DCPH1: variants seen among roughly 807,000 people sequenced by gnomAD.
The protein encoded by DCPH1 is damage-control phosphatase 1.
the DCPH1 span, among the ~76,000 whole-genome samples, chr6:151,457,944 T>TA: frequency 6.6e-6 from 1 of 152,038 alleles, no homozygotes; most frequent in Non-Finnish European, 1.5e-5. Flanking sequence ...GAAAACAAGT[T>TA]AAAAAAAATT....
At chr6:151,455,661 T>G in the DCPH1 span, among the ~76,000 whole-genome samples, 3 of 152,240 alleles carry the variant, frequency 2.0e-5, no homozygotes, top group South Asian at 6.2e-4. Context: ...AGACATTCCA[T>G]TGCCCAGGGA....
the DCPH1 span, among the ~76,000 whole-genome samples, chr6:151,456,452 C>G: frequency 6.6e-6 from 1 of 152,106 alleles, no homozygotes. Flanking sequence ...ACAGGGATTA[C>G]CTGTTGTTCC....
chr6:151,468,595 T>A, the DCPH1 span: 1 of 1,614,202 alleles, frequency 6.2e-7, no homozygotes, highest in South Asian at 1.1e-5. Context: ...CTTCTTGTTG[T>A]CCTCTGAACT....
At chr6:151,452,563 GTCTC>G in the DCPH1 span, 4 of 1,611,558 alleles carry the variant, frequency 2.5e-6, no homozygotes, top group Non-Finnish European at 3.4e-6. Flanking sequence ...TCGTCCCGGC[GTCTC>G]TCTCAGGACA....
the DCPH1 span, among the ~76,000 whole-genome samples, chr6:151,453,643 C>G: frequency 2.6e-5 from 4 of 152,160 alleles, no homozygotes; most frequent in Non-Finnish European, 4.4e-5. Context: ...AAGTTACAAT[C>G]TAGTAATTTA....
At chr6:151,466,980 G>T in the DCPH1 span, among the ~76,000 whole-genome samples, 1 of 152,106 alleles carries the variant, frequency 6.6e-6, no homozygotes, top group South Asian at 2.1e-4. Flanking sequence ...GCCGGGCATG[G>T]TGGCTCACAC....
the DCPH1 span, among the ~76,000 whole-genome samples, chr6:151,455,498 G>A: frequency 2.0e-5 from 3 of 152,228 alleles, no homozygotes; most frequent in Non-Finnish European, 4.4e-5. Flanking sequence ...CATAGACAAT[G>A]TAAAGGATTA....
At chr6:151,469,084 A>C in the DCPH1 span, 4 of 1,612,890 alleles carry the variant, frequency 2.5e-6, no homozygotes, top group Non-Finnish European at 3.4e-6. Flanking sequence ...AAAATATGGA[A>C]TATTTCAGTA....
At chr6:151,469,507 A>G in the DCPH1 span, 1 of 156,928 alleles carries the variant, frequency 6.4e-6, no homozygotes, top group Non-Finnish European at 1.4e-5. Flanking sequence ...TATTCCAGGA[A>G]GCATGGGATT....
the DCPH1 span, chr6:151,469,062 G>A: frequency 6.2e-7 from 1 of 1,613,838 alleles, no homozygotes; most frequent in Non-Finnish European, 8.5e-7. Context: ...AGCCCAGCTG[G>A]TGGACCACTG....
At chr6:151,461,739 G>A in the DCPH1 span, among the ~76,000 whole-genome samples, 1 of 152,188 alleles carries the variant, frequency 6.6e-6, no homozygotes, top group African/African-American at 2.4e-5. Context: ...TTTATCTGGG[G>A]TGGGGCCTGG....
chr6:151,457,501 A>C, the DCPH1 span, among the ~76,000 whole-genome samples: 1 of 152,210 alleles, frequency 6.6e-6, no homozygotes, highest in African/African-American at 2.4e-5. Flanking sequence ...GTTCCTCTCA[A>C]AACAGTCAGC....
chr6:151,468,147 A>C, the DCPH1 span, among the ~76,000 whole-genome samples: 13,246 of 152,242 alleles, frequency 0.087, 796 homozygotes, highest in East Asian at 0.16. Flanking sequence ...TAAAAATTTC[A>C]GTTTTATCTT....
At chr6:151,455,983 A>G in the DCPH1 span, among the ~76,000 whole-genome samples, 1 of 152,240 alleles carries the variant, frequency 6.6e-6, no homozygotes, top group African/African-American at 2.4e-5. Context: ...AACAAAGCAC[A>G]TCTTGCACCG....
At chr6:151,453,657 A>G in the DCPH1 span, among the ~76,000 whole-genome samples, 1 of 152,340 alleles carries the variant, frequency 6.6e-6, no homozygotes, top group African/African-American at 2.4e-5. Flanking sequence ...TAATTTAACA[A>G]TTGTCTCCTG....
At chr6:151,465,548 C>G in the DCPH1 span, among the ~76,000 whole-genome samples, 2 of 151,820 alleles carry the variant, frequency 1.3e-5, no homozygotes, top group African/African-American at 2.4e-5. Context: ...TGAGAGGTAG[C>G]GGGGTGGAAG....
the DCPH1 span, chr6:151,452,582 G>T: frequency 1.9e-6 from 3 of 1,610,474 alleles, no homozygotes; most frequent in Non-Finnish European, 2.5e-6. Context: ...AGGACAGGAC[G>T]TGGGGTTAGT....
the DCPH1 span, chr6:151,458,191 T>C: frequency 2.6e-6 from 3 of 1,158,410 alleles, no homozygotes; most frequent in Non-Finnish European, 1.2e-6. Context: ...TTAAGAGTTC[T>C]AAATGTAATG....
chr6:151,466,005 G>A, the DCPH1 span, among the ~76,000 whole-genome samples: 3 of 152,172 alleles, frequency 2.0e-5, no homozygotes, highest in African/African-American at 7.2e-5. Flanking sequence ...TGCAACCTCC[G>A]TCTCCCGGGT....
Sources: allele counts gnomAD v4.1 joint callset (sites outside exome capture counted in the v4.1 genomes callset), GRCh38; gene constraint gnomAD v4.1.1; transcripts MANE v1.5; gene names NCBI Gene and HGNC (gene_info 2026-07-23, HGNC 2026-07-21).